The following BANK1 variants were observed in gnomAD, a reference collection of about 807,000 sequenced individuals.
The protein encoded by BANK1 is B cell scaffold protein with ankyrin repeats 1, also known as B-cell scaffold protein with ankyrin repeats.
BANK1 carries 95 observed loss-of-function variants against 94.5 expected under a neutral mutation model. The observed-to-expected ratio is 1.00, with a 90% CI of 0.85 to 1.19. BANK1 has a LOEUF of 1.19. Among genes scored for constraint, BANK1 ranks in the 50% most tolerant of loss-of-function variants. BANK1 has a pLI of 0.00. For synonymous variants in BANK1, 334 were observed against 308.4 expected, an observed-to-expected ratio of 1.08 and a Z score of -0.87; for missense variants, 987 against 932.2, an observed-to-expected ratio of 1.06 and a Z score of -0.77.
At chr4:102,007,081 AAT>A (rs1227368517) in intron 7 of BANK1, among the ~76,000 whole-genome samples, 125 of 64,894 alleles carry the variant, frequency 1.9e-3, no homozygotes, top group African/African-American at 4.5e-3. Context: ...TATATATATA[AAT>A]ATATATATAA....
chr4:101,953,146 T>C (rs1724230104), intron 7 of BANK1, among the ~76,000 whole-genome samples: 1 of 152,144 alleles, frequency 6.6e-6, no homozygotes. Flanking sequence ...GAAATTGTAT[T>C]ACTTGAAACT....
chr4:101,905,166 A>G (rs1361957358), intron 6 of BANK1, among the ~76,000 whole-genome samples: 1 of 152,188 alleles, frequency 6.6e-6, no homozygotes, highest in Non-Finnish European at 1.5e-5. Flanking sequence ...ATCTGAATCA[A>G]TGACTCCTGT....
chr4:102,028,126 A>AAT (rs1390000169), intron 9 of BANK1, among the ~76,000 whole-genome samples: 1 of 152,186 alleles, frequency 6.6e-6, no homozygotes, highest in Non-Finnish European at 1.5e-5. Context: ...CCAACTTTAG[A>AAT]AATGTTGGGA....
intron 4 of BANK1, among the ~76,000 whole-genome samples, chr4:101,867,725 C>A (rs968302158): frequency 3.3e-5 from 5 of 150,740 alleles, no homozygotes; most frequent in Non-Finnish European, 5.9e-5. Flanking sequence ...GTGCCATGCA[C>A]ATGTACCCTA....
chr4:101,927,504 C>A (rs1454426108), intron 7 of BANK1, among the ~76,000 whole-genome samples: 2 of 151,544 alleles, frequency 1.3e-5, no homozygotes, highest in African/African-American at 4.8e-5. Flanking sequence ...ACAGATAAGA[C>A]CTGACTGGCA....
At chr4:101,828,995 T>C (rs1325324355) in intron 1 of BANK1, among the ~76,000 whole-genome samples, 1 of 152,002 alleles carries the variant, frequency 6.6e-6, no homozygotes. Context: ...CCCAAGTGCC[T>C]GGGACTACAG....
At position 101,920,302 on chromosome 4, in the gene BANK1, A is replaced by T. The variant is rs188882563; in HGVS notation, c.1206+2113A>T. Among the ~76,000 whole-genome samples the T allele has an allele frequency of 3.9e-5, 6 of 152,116 alleles. No individual in the cohort carries two copies. In the East Asian group the frequency reaches 1.2e-3, roughly 30 times the overall value. On this transcript the variant is annotated intron_variant, in intron 7 of 16. Coordinates refer to ENST00000322953, the MANE Select transcript of BANK1 (RefSeq NM_017935.5). ...GAGTTAATGGGTGCAGCACACCAACATGGCACATGTATACATATGTAAGAA... is the reference window on the plus strand; with the variant it reads ...GAGTTAATGGGTGCAGCACACCAACTTGGCACATGTATACATATGTAAGAA...
At chr4:102,061,208 A>G (rs528722927) in intron 12 of BANK1, among the ~76,000 whole-genome samples, 1 of 152,316 alleles carries the variant, frequency 6.6e-6, no homozygotes, top group East Asian at 1.9e-4. Flanking sequence ...ATTTTTGTTT[A>G]AAAGACGATG....
intron 5 of BANK1, among the ~76,000 whole-genome samples, chr4:101,882,309 A>G (rs1433026464): frequency 2.0e-5 from 3 of 152,200 alleles, no homozygotes; most frequent in African/African-American, 7.2e-5. Flanking sequence ...TTTATTTATG[A>G]AATTGAATAA....
At chr4:102,068,213 A>G (rs1395917395) in intron 13 of BANK1, among the ~76,000 whole-genome samples, 1 of 152,138 alleles carries the variant, frequency 6.6e-6, no homozygotes, top group African/African-American at 2.4e-5. Context: ...ATGTATTACT[A>G]TAAATATTAT....
At chr4:101,935,076 T>C (rs1723483686) in intron 7 of BANK1, among the ~76,000 whole-genome samples, 1 of 151,506 alleles carries the variant, frequency 6.6e-6, no homozygotes, top group Admixed American at 6.6e-5. Context: ...GAATACCTCA[T>C]GGTACCCTTT....
chr4:101,974,920 G>A (rs1725078077), intron 7 of BANK1, among the ~76,000 whole-genome samples: 1 of 152,070 alleles, frequency 6.6e-6, no homozygotes. Flanking sequence ...TCATGCCGTT[G>A]CACTCCAGCC....
At chr4:101,795,222 T>C (rs17200251) in intron 1 of BANK1, among the ~76,000 whole-genome samples, 1,634 of 152,286 alleles carry the variant, frequency 0.011, 9 homozygotes, top group Non-Finnish European at 0.018. Context: ...CTTCCGTTTA[T>C]TGTGTTTCTA....
intron 1 of BANK1, among the ~76,000 whole-genome samples, chr4:101,796,428 C>T (rs937227135): frequency 6.6e-6 from 1 of 152,104 alleles, no homozygotes; most frequent in Non-Finnish European, 1.5e-5. Flanking sequence ...AAAATGATGT[C>T]TTCTACGTAT....
At chr4:101,900,003 CA>C (rs1722220838) in intron 6 of BANK1, among the ~76,000 whole-genome samples, 1 of 152,190 alleles carries the variant, frequency 6.6e-6, no homozygotes, top group Non-Finnish European at 1.5e-5. Context: ...AATCCCCTCT[CA>C]GCCCAATTCC....
intron 1 of BANK1, among the ~76,000 whole-genome samples, chr4:101,820,104 A>G (rs1726082791): frequency 6.6e-6 from 1 of 152,340 alleles, no homozygotes. Context: ...TAACCATTCT[A>G]ATAGGCTGTT....
chr4:101,957,844 CTTT>C (rs776142689), intron 7 of BANK1, among the ~76,000 whole-genome samples: 1 of 87,630 alleles, frequency 1.1e-5, no homozygotes, highest in Non-Finnish European at 2.9e-5. Context: ...TTGTTTTTTG[CTTT>C]TTTTTTTTTT....
chr4:101,827,236 G>A (rs568028014), intron 1 of BANK1, among the ~76,000 whole-genome samples: 1 of 151,742 alleles, frequency 6.6e-6, no homozygotes. Context: ...AGGCATGGAG[G>A]TACTATTTTA....
At chr4:101,974,950 T>G (rs1194603787) in intron 7 of BANK1, among the ~76,000 whole-genome samples, 1 of 152,056 alleles carries the variant, frequency 6.6e-6, no homozygotes, top group Non-Finnish European at 1.5e-5. Context: ...AGAGTGAAAC[T>G]CCGTCTCAGA....
Sources: allele counts gnomAD v4.1 joint callset (sites outside exome capture counted in the v4.1 genomes callset), GRCh38; gene constraint gnomAD v4.1.1; transcripts MANE v1.5; gene names NCBI Gene and HGNC (gene_info 2026-07-23, HGNC 2026-07-21).